BMPR1B: variants seen among roughly 807,000 people sequenced by gnomAD.
The protein encoded by BMPR1B is bone morphogenetic protein receptor type-1B.
BMPR1B carries 12 observed loss-of-function variants against 59.1 expected under a neutral mutation model. The ratio of observed to expected loss-of-function variants is 0.20; its 90% CI spans 0.13 to 0.33. The LOEUF is 0.33. Among genes scored for constraint, BMPR1B ranks in the 10% least tolerant of loss-of-function variants. The pLI, the probability that BMPR1B is intolerant of heterozygous loss-of-function variation, is 1.00. For missense variants in BMPR1B, 550 were observed against 610.9 expected (o/e 0.90, Z 1.05); for synonymous variants, 237 against 207.3 (o/e 1.14, Z -1.23).
chr4:94,925,015 A>G (rs555936376), intron 2 of BMPR1B, among the ~76,000 whole-genome samples: 1 of 152,250 alleles, frequency 6.6e-6, no homozygotes, highest in Admixed American at 6.5e-5. Context: ...TTCCTCACCT[A>G]TTAAGTGAAG....
chr4:95,124,022 C>T lies in BMPR1B; in HGVS notation c.446+116C>T, dbSNP rs547948338. On this transcript the variant is annotated intron_variant, in intron 7 of 12. Transcript: ENST00000515059. ...ACAGCTTTATTTATCTTAATTAGAT[C>T]TTATAGTTAACTGAAAATGTCTGTT... 9.0e-4 allele frequency: 645 copies of T among 714,084 alleles called. 12 individuals carry two copies. The South Asian group carries it at 0.01, about 11-fold the overall frequency. 44.2% of individuals were successfully genotyped at this position (714,084 alleles called of 1,614,324 possible).
chr4:95,096,616 A>G (rs1002802312), intron 3 of BMPR1B, among the ~76,000 whole-genome samples: 7 of 150,062 alleles, frequency 4.7e-5, no homozygotes, highest in African/African-American at 1.7e-4. Flanking sequence ...GAAAAATGAG[A>G]ACCAATTTTA....
intron 1 of BMPR1B, among the ~76,000 whole-genome samples, chr4:94,775,342 A>G (rs1225814778): frequency 6.6e-6 from 1 of 152,238 alleles, no homozygotes; most frequent in Non-Finnish European, 1.5e-5. Context: ...TAATTGATCA[A>G]TTTTAAGGAG....
intron 2 of BMPR1B, among the ~76,000 whole-genome samples, chr4:94,960,927 TGCTCATTTCATG>T (rs59474531): frequency 0.22 from 32,699 of 151,944 alleles, 3,741 homozygotes; most frequent in Middle Eastern, 0.27. Flanking sequence ...CTTGCTGGAA[TGCTCATTTCATG>T]GCTCAAACTC....
chr4:95,099,791 T>G lies in BMPR1B; in HGVS notation c.-17-4617T>G, dbSNP rs72672713. ...CTAAATAAATAACTGTACTACTCTT[T>G]CTTTATTATTCAATTTTAGGCATTA... On this transcript the variant is annotated intron_variant, in intron 3 of 12. Transcript: ENST00000515059. Among the ~76,000 whole-genome samples the G allele has an allele frequency of 3.7e-3, 557 of 152,352 alleles. 2 individuals carry two copies. Among genetic ancestry groups the G allele is most frequent in the Non-Finnish European group, 6.7e-3 (456 of 68,034 alleles).
chr4:94,895,377 A>C (rs1351395377), intron 2 of BMPR1B, among the ~76,000 whole-genome samples: 1 of 151,978 alleles, frequency 6.6e-6, no homozygotes, highest in Non-Finnish European at 1.5e-5. Flanking sequence ...TTTATAATCT[A>C]TGAGAAAATG....
chr4:94,829,327 CTTTTTT>C lies in BMPR1B; in HGVS notation c.-182-46493_-182-46488del, dbSNP rs35278466. Among the ~76,000 whole-genome samples, 5 of 136,926 alleles carry C rather than the reference CTTTTTT, an allele frequency of 3.7e-5. No individual in the cohort carries two copies. In the East Asian group the frequency reaches 1.1e-3, roughly 29 times the overall value. The allele number at this position is 136,926 out of a possible 152,430, so 89.8% of individuals were successfully genotyped here. A position where few individuals can be genotyped will look rare whatever the true frequency, so the allele number is the denominator to read the frequency against. On this transcript the variant is annotated intron_variant, in intron 1 of 12. Transcript: ENST00000515059. ...TTCTTTCAACAATGATTTTATTTTC[CTTTTTT>C]TTTTTTTTTTGGGACACTGCAGCTT...
At chr4:94,979,345 TA>T (rs568704765) in intron 2 of BMPR1B, among the ~76,000 whole-genome samples, 5 of 151,966 alleles carry the variant, frequency 3.3e-5, no homozygotes, top group Non-Finnish European at 5.9e-5. Flanking sequence ...TCTTTTATGT[TA>T]AAAAAAAACT....
chr4:94,804,590 C>CT (rs5860375), intron 1 of BMPR1B, among the ~76,000 whole-genome samples: 81,637 of 121,338 alleles, frequency 0.67, 28,950 homozygotes, highest in Middle Eastern at 0.78. Context: ...CTTTGTAATA[C>CT]TTTTTTTTTT....
intron 8 of BMPR1B, among the ~76,000 whole-genome samples, chr4:95,125,930 G>C (rs1387446219): frequency 2.0e-5 from 3 of 152,060 alleles, no homozygotes; most frequent in Non-Finnish European, 4.4e-5. Context: ...CCTCTTCCCA[G>C]TATGCTGCCT....
At chr4:95,074,104 T>G (rs1278236619) in intron 3 of BMPR1B, among the ~76,000 whole-genome samples, 1 of 152,046 alleles carries the variant, frequency 6.6e-6, no homozygotes, top group Non-Finnish European at 1.5e-5. Flanking sequence ...AAGTGTTTTT[T>G]TTTTACTGAA....
intron 1 of BMPR1B, among the ~76,000 whole-genome samples, chr4:94,777,850 A>G (rs1477651038): frequency 6.6e-6 from 1 of 151,788 alleles, no homozygotes; most frequent in African/African-American, 2.4e-5. Context: ...ACATGATGAA[A>G]CCCTGTCTCT....
chr4:94,758,807 C>G (rs1234412828), intron 1 of BMPR1B, among the ~76,000 whole-genome samples: 1 of 152,112 alleles, frequency 6.6e-6, no homozygotes, highest in Non-Finnish European at 1.5e-5. Context: ...TCCCCCCGGT[C>G]TCTCTTTCCT....
chr4:95,101,714 T>C (rs1386659171), intron 3 of BMPR1B, among the ~76,000 whole-genome samples: 1 of 152,182 alleles, frequency 6.6e-6, no homozygotes, highest in Non-Finnish European at 1.5e-5. Context: ...AAGATGTGCA[T>C]CTAACTTTCT....
At chr4:94,823,483 G>C (rs1206850111) in intron 1 of BMPR1B, among the ~76,000 whole-genome samples, 1 of 152,148 alleles carries the variant, frequency 6.6e-6, no homozygotes, top group African/African-American at 2.4e-5. Context: ...CCTCATTTTG[G>C]AGGAGCCAGT....
chr4:94,985,910 A>G (rs1397207113), intron 2 of BMPR1B, among the ~76,000 whole-genome samples: 1 of 152,186 alleles, frequency 6.6e-6, no homozygotes, highest in Non-Finnish European at 1.5e-5. Context: ...TTAGATTTCT[A>G]CAGACTGTTA....
chr4:94,923,867 C>T (rs1006895324), intron 2 of BMPR1B, among the ~76,000 whole-genome samples: 5 of 152,018 alleles, frequency 3.3e-5, no homozygotes, highest in Non-Finnish European at 5.9e-5. Flanking sequence ...CTGTGATTTC[C>T]GGAAAGGTCC....
intron 1 of BMPR1B, among the ~76,000 whole-genome samples, chr4:94,792,200 G>C (rs572855045): frequency 2.0e-5 from 3 of 152,216 alleles, no homozygotes; most frequent in Admixed American, 2.0e-4. Context: ...TCTAAAAATA[G>C]ATTATATTGA....
At chr4:95,116,416 C>CGT (rs1386300926) in intron 6 of BMPR1B, among the ~76,000 whole-genome samples, 5 of 116,832 alleles carry the variant, frequency 4.3e-5, no homozygotes, top group Non-Finnish European at 6.8e-5. Context: ...ATGCTTTCAG[C>CGT]GCGCGCACAC....
Sources: gnomAD v4.1 joint callset for allele counts (sites outside exome capture counted in the v4.1 genomes callset) on GRCh38, gnomAD v4.1.1 for gene constraint, MANE v1.5 for transcripts, NCBI Gene and HGNC (gene_info 2026-07-23, HGNC 2026-07-21) for gene names.